The following EPHA3 variants were observed in gnomAD, a reference collection of about 807,000 sequenced individuals.
The protein encoded by EPHA3 is EPH receptor A3.
A neutral mutation model predicts 107.1 loss-of-function variants in EPHA3; 42 were observed. That is an observed-to-expected ratio of 0.39 (90% CI 0.31 to 0.51). The LOEUF is 0.51. EPHA3 is among the 20% of genes least tolerant of loss of function. The pLI is 0.78. For synonymous variants in EPHA3, 461 were observed against 424.8 expected (o/e 1.09, Z -1.05); for missense variants, 1,183 against 1,211.2 (o/e 0.98, Z 0.35).
intron 6 of EPHA3, among the ~76,000 whole-genome samples, chr3:89,397,371 C>T (rs1048060241): frequency 5.3e-5 from 8 of 152,058 alleles, no homozygotes; most frequent in Non-Finnish European, 1.0e-4. Flanking sequence ...TATAATAATT[C>T]ATGTTCATAA....
Position 89,179,041 on chromosome 3 carries a change from A to C in EPHA3, c.154-30819A>C, listed in dbSNP as rs575560174. On this transcript the variant is annotated intron_variant, in intron 2 of 16. Transcript: ENST00000336596. ...GTACAAACTATATCGCTTATATTTT[A>C]TAAAAATTTTCATTTTTCTTTTTTT... Among the ~76,000 whole-genome samples the C allele has an allele frequency of 1.4e-3, 209 of 152,064 alleles. 2 individuals are homozygous for C. Among genetic ancestry groups the C allele is most frequent in the African/African-American group, 4.7e-3 (195 of 41,554 alleles).
chr3:89,322,081 A>G (rs1208228230), intron 3 of EPHA3, among the ~76,000 whole-genome samples: 1 of 151,798 alleles, frequency 6.6e-6, no homozygotes, highest in Non-Finnish European at 1.5e-5. Flanking sequence ...ATCCATGGAA[A>G]AATAGTAACT....
chr3:89,225,520 A>G (rs192423079), intron 3 of EPHA3, among the ~76,000 whole-genome samples: 1 of 152,316 alleles, frequency 6.6e-6, no homozygotes, highest in Non-Finnish European at 1.5e-5. Flanking sequence ...AAGTTTGGTC[A>G]TAGTAGCCTA....
chr3:89,295,809 C>T (rs541550270), intron 3 of EPHA3, among the ~76,000 whole-genome samples: 4 of 151,906 alleles, frequency 2.6e-5, no homozygotes, highest in South Asian at 2.1e-4. Flanking sequence ...AGGCTGGTCT[C>T]GAACTCCCAA....
At chr3:89,304,953 A>G (rs1706578158) in intron 3 of EPHA3, among the ~76,000 whole-genome samples, 7 of 152,200 alleles carry the variant, frequency 4.6e-5, no homozygotes, top group Admixed American at 4.6e-4. Context: ...CATTAGGTTA[A>G]TAAGCATTTT....
chr3:89,233,839 G>T (rs1172573359), intron 3 of EPHA3, among the ~76,000 whole-genome samples: 2 of 152,162 alleles, frequency 1.3e-5, no homozygotes, highest in African/African-American at 4.8e-5. Context: ...ATATAATGAT[G>T]ATTTGCTATT....
intron 3 of EPHA3, among the ~76,000 whole-genome samples, chr3:89,234,318 T>C (rs1467368271): frequency 6.6e-5 from 10 of 152,326 alleles, no homozygotes; most frequent in Middle Eastern, 3.4e-3. Context: ...GTGTTACTCA[T>C]TTTCCATGTG....
At chr3:89,343,184 G>A (rs1707572371) in intron 5 of EPHA3, among the ~76,000 whole-genome samples, 1 of 152,112 alleles carries the variant, frequency 6.6e-6, no homozygotes, top group African/African-American at 2.4e-5. Flanking sequence ...TCTTCTAGTA[G>A]CCAAATCATG....
At chr3:89,344,750 T>C (rs1707604330) in intron 5 of EPHA3, among the ~76,000 whole-genome samples, 1 of 152,144 alleles carries the variant, frequency 6.6e-6, no homozygotes, top group Admixed American at 6.6e-5. Context: ...ATGTGTCCCT[T>C]TTAATTTAGT....
chr3:89,466,634 A>G (rs1710281895), intron 15 of EPHA3, among the ~76,000 whole-genome samples: 1 of 127,496 alleles, frequency 7.8e-6, no homozygotes, highest in Non-Finnish European at 1.7e-5. Flanking sequence ...TCGGAAAGGG[A>G]ACTCCCTGAC....
intron 2 of EPHA3, among the ~76,000 whole-genome samples, chr3:89,164,330 A>G (rs1269724746): frequency 3.3e-5 from 5 of 152,254 alleles, no homozygotes; most frequent in African/African-American, 1.2e-4. Context: ...GTTGAGCCAC[A>G]TTCAAAGCCA....
intron 3 of EPHA3, among the ~76,000 whole-genome samples, chr3:89,264,390 A>G (rs1705488592): frequency 1.3e-5 from 2 of 152,080 alleles, no homozygotes; most frequent in Admixed American, 1.3e-4. Context: ...CTTGATGTTC[A>G]GTCCTATGAA....
intron 3 of EPHA3, among the ~76,000 whole-genome samples, chr3:89,333,574 A>G (rs1707334708): frequency 6.6e-6 from 1 of 152,154 alleles, no homozygotes; most frequent in East Asian, 1.9e-4. Context: ...AGAAAAGGGT[A>G]AATAAAACCT....
intron 3 of EPHA3, among the ~76,000 whole-genome samples, chr3:89,213,517 A>C (rs2107190021): frequency 6.6e-6 from 1 of 152,148 alleles, no homozygotes; most frequent in African/African-American, 2.4e-5. Context: ...ATTAGGTCAC[A>C]TACAGTTGCA....
intron 3 of EPHA3, among the ~76,000 whole-genome samples, chr3:89,294,824 T>A (rs1199575309): frequency 1.3e-5 from 2 of 152,200 alleles, no homozygotes; most frequent in African/African-American, 4.8e-5. Flanking sequence ...CTCTCTATTA[T>A]GAGTTGTATT....
chr3:89,255,563 C>A (rs1165023861), intron 3 of EPHA3, among the ~76,000 whole-genome samples: 3 of 152,198 alleles, frequency 2.0e-5, no homozygotes, highest in Non-Finnish European at 4.4e-5. Context: ...TATTTACTAT[C>A]TGGCTCTTTA....
At chr3:89,317,521 T>C (rs1205063933) in intron 3 of EPHA3, among the ~76,000 whole-genome samples, 2 of 151,768 alleles carry the variant, frequency 1.3e-5, no homozygotes, top group African/African-American at 4.8e-5. Context: ...TTAAGGCCAG[T>C]CTTAATCTCT....
At chr3:89,123,984 G>T (rs928202127) in intron 1 of EPHA3, among the ~76,000 whole-genome samples, 2 of 152,144 alleles carry the variant, frequency 1.3e-5, no homozygotes, top group Non-Finnish European at 2.9e-5. Flanking sequence ...AAAGAATGAA[G>T]TCATGCATAT....
At chr3:89,402,476 A>C (rs1020029304) in intron 7 of EPHA3, among the ~76,000 whole-genome samples, 4 of 152,110 alleles carry the variant, frequency 2.6e-5, no homozygotes, top group Non-Finnish European at 2.9e-5. Context: ...ATGAGAAAAA[A>C]ATGCCTTTTG....
Sources: allele counts gnomAD v4.1 joint callset (sites outside exome capture counted in the v4.1 genomes callset), GRCh38; gene constraint gnomAD v4.1.1; transcripts MANE v1.5; gene names NCBI Gene and HGNC (gene_info 2026-07-23, HGNC 2026-07-21).